The following CARM1 variants were observed in gnomAD, a reference collection of about 807,000 sequenced individuals.
CARM1 encodes the protein histone-arginine methyltransferase CARM1.
Under a neutral mutation model 72.7 loss-of-function variants are expected in CARM1, and 14 were observed. That is an observed-to-expected ratio of 0.19 (90% CI 0.13 to 0.30). The LOEUF (loss-of-function observed/expected upper bound fraction) is 0.30. CARM1 is among the 10% of genes least tolerant of loss of function. The probability of loss-of-function intolerance (pLI) is 1.00; values close to 1 mark genes in which losing one functional copy is unlikely to be tolerated. For missense variants in CARM1, 432 were observed against 833.7 expected, an observed-to-expected ratio of 0.52 and a Z score of 5.93; for synonymous variants, 333 against 345.5, an observed-to-expected ratio of 0.96 and a Z score of 0.40.
At chr19:10,874,396 A>C (rs1173185559) in intron 1 of CARM1, among the ~76,000 whole-genome samples, 1 of 134,946 alleles carries the variant, frequency 7.4e-6, no homozygotes, top group South Asian at 2.3e-4. Flanking sequence ...TTTTATTTTT[A>C]TTTTTTATTT....
Position 10,913,528 on chromosome 19 carries a change from A to C in CARM1, c.670-349A>C, listed in dbSNP as rs1022215296. ...CACCTCCAGCCTGGGCAACAGAGTG[A>C]GAATCTGTCTCAAAGAAAAAAAAAA... On this transcript the variant is annotated intron_variant, in intron 5 of 15. Transcript: ENST00000327064. Among the ~76,000 whole-genome samples, 3 of 151,618 alleles carry C rather than the reference A, an allele frequency of 2.0e-5. No individual in the cohort carries two copies. The South Asian group carries it at 6.3e-4, about 32-fold the overall frequency.
intron 1 of CARM1, among the ~76,000 whole-genome samples, chr19:10,898,793 AG>A (rs2074042573): frequency 6.6e-6 from 1 of 152,160 alleles, no homozygotes; most frequent in Non-Finnish European, 1.5e-5. Flanking sequence ...GCCTACTCAG[AG>A]GTGACCCTGG....
At chr19:10,890,270 T>TTG (rs1555725186) in intron 1 of CARM1, among the ~76,000 whole-genome samples, 34 of 135,616 alleles carry the variant, frequency 2.5e-4, no homozygotes, top group South Asian at 4.7e-4. Flanking sequence ...GTTTTGTTTG[T>TTG]TTTTTTTTTT....
intron 1 of CARM1, among the ~76,000 whole-genome samples, chr19:10,904,454 A>G (rs2074088332): frequency 6.6e-6 from 1 of 152,224 alleles, no homozygotes; most frequent in African/African-American, 2.4e-5. Context: ...CCCCGCCATT[A>G]GCCCCATCTG....
chr19:10,895,885 G>A (rs1262310958), intron 1 of CARM1, among the ~76,000 whole-genome samples: 3 of 152,192 alleles, frequency 2.0e-5, no homozygotes, highest in Non-Finnish European at 4.4e-5. Context: ...AGGAGGAGGT[G>A]ACAAGGAAGC....
chr19:10,901,055 C>T (rs2074060594), intron 1 of CARM1, among the ~76,000 whole-genome samples: 1 of 150,040 alleles, frequency 6.7e-6, no homozygotes, highest in Non-Finnish European at 1.5e-5. Context: ...TATCTCAGCT[C>T]ACTGCAACCT....
intron 1 of CARM1, among the ~76,000 whole-genome samples, chr19:10,900,324 G>A (rs1416491172): frequency 6.6e-6 from 1 of 152,062 alleles, no homozygotes; most frequent in Admixed American, 6.6e-5. Flanking sequence ...CCCAAAATAT[G>A]TTTGTCACCC....
Position 10,871,853 on chromosome 19 carries a change from G to A in CARM1, c.151G>A (p.Ala51Thr), listed in dbSNP as rs1163340108. Reference protein sequence around the residue: ...GDANGEIQRHAEQQALRLEVR... With the variant: ...GDANGEIQRHTEQQALRLEVR... ...CGCGAACGGCGAGATCCAGCGGCAC[G>A]CGGAGCAGCAGGCGCTGCGCCTCGA... The change falls in exon 1 of 16, where the codon GCG becomes ACG. Residue 51 changes from alanine (A) to threonine (T), a missense_variant. By Grantham distance (58) the Ala-to-Thr change is moderately conservative. Transcript: ENST00000327064. This position sits in a 1 kb window ranked among gnomAD's most constrained non-coding sequence, Gnocchi z 5.6. 2 of 1,296,176 alleles carry A rather than the reference G, an allele frequency of 1.5e-6. No individual in the cohort carries two copies. Among genetic ancestry groups the A allele is most frequent in the Non-Finnish European group, 2.0e-6 (2 of 1,015,896 alleles). 80.3% of individuals were successfully genotyped at this position (1,296,176 alleles called of 1,614,324 possible).
chr19:10,882,920 G>A (rs1463856657), intron 1 of CARM1, among the ~76,000 whole-genome samples: 1 of 152,156 alleles, frequency 6.6e-6, no homozygotes, highest in African/African-American at 2.4e-5. Flanking sequence ...GGAGCACCTT[G>A]AAGAGAATGG....
At chr19:10,899,908 AC>A (rs1468120525) in intron 1 of CARM1, among the ~76,000 whole-genome samples, 2 of 151,920 alleles carry the variant, frequency 1.3e-5, no homozygotes, top group African/African-American at 4.8e-5. Flanking sequence ...TTTAGTAAAG[AC>A]GGGGTTTTGC....
rs960659068 is a variant in CARM1, at chr19:10,921,924, C to T, written c.*167C>T. The T allele has an allele frequency of 1.4e-5, 9 of 635,806 alleles. No individual in the cohort carries two copies. Among genetic ancestry groups the T allele is most frequent in the Non-Finnish European group, 1.3e-5 (5 of 380,620 alleles). 39.4% of individuals were successfully genotyped at this position (635,806 alleles called of 1,614,324 possible). A position where few individuals can be genotyped will look rare whatever the true frequency, so the allele number is the denominator to read the frequency against. ...TTTTACACGATGTTGCCGCCGTCCC[C>T]ACCCTAACCCCCACCTCCCGGCCCT... On this transcript the variant is annotated 3_prime_UTR_variant, in exon 16 of 16. Coordinates refer to ENST00000327064, the MANE Select transcript of CARM1 (RefSeq NM_199141.2).
rs1206141130 is a variant in CARM1 at position 10,912,074 on chromosome 19, T to C, written c.559-110T>C. Reference sequence around the variant, plus strand: ...ACCAAGAGCCCATAAAGGGCAAACATTGAGAGTGAAGACAGACGCCTCATG... The same window carrying C: ...ACCAAGAGCCCATAAAGGGCAAACACTGAGAGTGAAGACAGACGCCTCATG... On this transcript the variant is annotated intron_variant, in intron 4 of 15. Coordinates refer to ENST00000327064, the MANE Select transcript of CARM1 (RefSeq NM_199141.2). This position sits in a 1 kb window ranked among gnomAD's most constrained non-coding sequence, Gnocchi z 4.5. 3 of 827,314 alleles carry C rather than the reference T, an allele frequency of 3.6e-6. No homozygotes were observed. The highest frequency in any genetic ancestry group is 1.7e-5 in the African/African-American group (1 of 59,900). 51.2% of individuals were successfully genotyped at this position (827,314 alleles called of 1,614,324 possible).
At chr19:10,890,787 ATATATATATTTTTTTTT>A (rs2073980821) in intron 1 of CARM1, among the ~76,000 whole-genome samples, 1 of 94,170 alleles carries the variant, frequency 1.1e-5, no homozygotes, top group African/African-American at 5.2e-5. Flanking sequence ...ATATATATAT[ATATATATATTTTTTTTT>A]TTTTTTTTTT....
intron 1 of CARM1, among the ~76,000 whole-genome samples, chr19:10,893,627 C>T (rs1286468872): frequency 1.3e-5 from 2 of 152,226 alleles, no homozygotes; most frequent in Admixed American, 6.5e-5. Flanking sequence ...CGTGAGCCAC[C>T]GCCCCCTGTC....
At chr19:10,872,025 T>A in intron 1 of CARM1, 103 bp downstream of exon 1, 1 of 973,750 alleles carries the variant, frequency 1.0e-6, no homozygotes, top group Non-Finnish European at 1.3e-6. Context: ...GGGCCTGGCG[T>A]GGGGTCCCCG....
intron 1 of CARM1, 99 bp downstream of exon 1, chr19:10,872,021 G>T: frequency 1.0e-6 from 1 of 997,376 alleles, no homozygotes; most frequent in South Asian, 4.9e-5. Context: ...GCGGGGGCCT[G>T]GCGTGGGGTC....
In CARM1 at chr19:10,921,870, C is replaced by A. The variant is rs912572036; in HGVS notation, c.*113C>A. 1 of 1,064,944 alleles carries A rather than the reference C, an allele frequency of 9.4e-7. No homozygotes were observed. The highest frequency in any genetic ancestry group is 1.4e-6 in the Non-Finnish European group (1 of 740,562). 66.0% of individuals were successfully genotyped at this position (1,064,944 alleles called of 1,614,324 possible). The stretch of plus-strand genomic sequence containing the variant: ...GAGAAGCTCGAACACCCGGTCACAG[C>A]TCTCTTTGCTATGGGAACTGGGACA... On this transcript the variant is annotated 3_prime_UTR_variant, in exon 16 of 16. Coordinates refer to ENST00000327064, the MANE Select transcript of CARM1 (RefSeq NM_199141.2).
chr19:10,912,208 T>A lies in CARM1; in HGVS notation c.583T>A (p.Ser195Thr). Residue 195 changes from serine to threonine, a missense_variant, in exon 5 of 16, where the codon TCT becomes ACT. Ser to Thr is a moderately conservative substitution (Grantham distance 58). Transcript: ENST00000327064. This position sits in a 1 kb window ranked among gnomAD's most constrained non-coding sequence, Gnocchi z 4.5. ...GATCGTTCTTGATGTTGGCTGTGGCTCTGGGATCCTGTCGTTTTTTGCCGC... is the reference window on the plus strand; with the variant it reads ...GATCGTTCTTGATGTTGGCTGTGGCACTGGGATCCTGTCGTTTTTTGCCGC... The part of the protein sequence containing the change: ...DKIVLDVGCG[S>T]GILSFFAAQA... The A allele has an allele frequency of 6.2e-7, 1 of 1,614,162 alleles. No homozygotes were observed. Among genetic ancestry groups the A allele is most frequent in the Non-Finnish European group, 8.5e-7 (1 of 1,179,992 alleles).
chr19:10,911,841 G>C (rs763873111), intron 4 of CARM1, among the ~76,000 whole-genome samples: 1 of 152,168 alleles, frequency 6.6e-6, no homozygotes, highest in South Asian at 2.1e-4. Context: ...CCAACAACTC[G>C]GGCCCCTTTC....
Sources: gnomAD v4.1 joint callset for allele counts (sites outside exome capture counted in the v4.1 genomes callset) on GRCh38, gnomAD v4.1.1 for gene constraint, Gnocchi (gnomAD v3.1) non-coding constraint, MANE v1.5 for transcripts, NCBI Gene and HGNC (gene_info 2026-07-23, HGNC 2026-07-21) for gene names.